Variants in NPAS3 observed in about 807,000 individuals in gnomAD.
NPAS3 encodes the protein neuronal PAS domain-containing protein 3.
A neutral mutation model predicts 73.1 loss-of-function variants in NPAS3; 14 were observed. The observed-to-expected ratio is 0.19, with a 90% CI of 0.13 to 0.30. The LOEUF is 0.30. NPAS3 is among the 10% of genes least tolerant of loss of function. NPAS3 has a pLI of 1.00. For missense variants in NPAS3, 1,096 were observed against 1,250.0 expected (o/e 0.88, Z 1.86); for synonymous variants, 620 against 541.5 (o/e 1.14, Z -2.01).
chr14:33,243,152 A>G (rs1373168446), intron 3 of NPAS3, among the ~76,000 whole-genome samples: 1 of 152,192 alleles, frequency 6.6e-6, no homozygotes, highest in Non-Finnish European at 1.5e-5. Context: ...TATATCTAGC[A>G]AAAATTATTA....
chr14:33,523,853 G>A (rs1179468003), intron 4 of NPAS3, among the ~76,000 whole-genome samples: 5 of 152,100 alleles, frequency 3.3e-5, no homozygotes, highest in Non-Finnish European at 5.9e-5. Flanking sequence ...ATCAGTGCCT[G>A]CCATCGATCC....
intron 6 of NPAS3, among the ~76,000 whole-genome samples, chr14:33,733,677 AGAAAT>A (rs1339517748): frequency 3.3e-5 from 5 of 152,186 alleles, no homozygotes; most frequent in African/African-American, 1.2e-4. Flanking sequence ...TTTAATCAGA[AGAAAT>A]GAAAGTACTA....
intron 3 of NPAS3, among the ~76,000 whole-genome samples, chr14:33,240,882 T>G (rs1368580255): frequency 6.6e-6 from 1 of 151,876 alleles, no homozygotes; most frequent in South Asian, 2.1e-4. Flanking sequence ...TTTGTGTTCT[T>G]TTTCATTTTT....
intron 6 of NPAS3, among the ~76,000 whole-genome samples, chr14:33,676,682 T>G (rs1280104841): frequency 6.6e-6 from 1 of 152,248 alleles, no homozygotes; most frequent in Non-Finnish European, 1.5e-5. Flanking sequence ...AATACCCTCT[T>G]CATTTTATTG....
At chr14:33,358,331 A>G (rs2045434703) in intron 3 of NPAS3, among the ~76,000 whole-genome samples, 1 of 152,178 alleles carries the variant, frequency 6.6e-6, no homozygotes, top group African/African-American at 2.4e-5. Context: ...ACTGTTATGC[A>G]GTATTGAGCC....
intron 5 of NPAS3, among the ~76,000 whole-genome samples, chr14:33,659,396 G>GA (rs775631730): frequency 1.6e-4 from 25 of 152,178 alleles, no homozygotes; most frequent in Non-Finnish European, 2.9e-4. Context: ...AAGAGCGTTA[G>GA]AAAATCTCCC....
intron 2 of NPAS3, among the ~76,000 whole-genome samples, chr14:33,211,833 T>C (rs1274852364): frequency 6.6e-6 from 1 of 152,172 alleles, no homozygotes; most frequent in Non-Finnish European, 1.5e-5. Flanking sequence ...TGGGGATTCA[T>C]GAAGAATCTC....
chr14:33,364,772 C>T (rs1055804977), intron 3 of NPAS3, among the ~76,000 whole-genome samples: 1 of 151,838 alleles, frequency 6.6e-6, no homozygotes, highest in Non-Finnish European at 1.5e-5. Flanking sequence ...GAATAACCGC[C>T]CCACCCCCCA....
At chr14:33,422,289 A>G (rs1330056924) in intron 4 of NPAS3, among the ~76,000 whole-genome samples, 1 of 151,932 alleles carries the variant, frequency 6.6e-6, no homozygotes, top group Non-Finnish European at 1.5e-5. Context: ...AGCCCAGTTC[A>G]AAAGTATGTT....
At chr14:32,973,533 A>ATTTTT (rs71432099) in intron 1 of NPAS3, among the ~76,000 whole-genome samples, 6 of 128,924 alleles carry the variant, frequency 4.7e-5, no homozygotes, top group Non-Finnish European at 3.3e-5. Flanking sequence ...GTATATTTTG[A>ATTTTT]TTTTTTTTTT....
chr14:33,650,443 C>G (rs1414046493), intron 5 of NPAS3, among the ~76,000 whole-genome samples: 1 of 152,168 alleles, frequency 6.6e-6, no homozygotes, highest in Non-Finnish European at 1.5e-5. Context: ...AAAAAACCCT[C>G]AAAGAAACCT....
chr14:33,459,499 A>G lies in NPAS3; in HGVS notation c.468+92231A>G, dbSNP rs945000102. ...ATCTGCAGTAGAAATCATGGACAGT[A>G]TTACTACATGAGCACTTAAAATCAG... On this transcript the variant is annotated intron_variant, in intron 4 of 11. Coordinates refer to ENST00000356141, the Ensembl canonical transcript of NPAS3. Among the ~76,000 whole-genome samples, 19 of 152,238 alleles carry G rather than the reference A, an allele frequency of 1.2e-4. 1 individual carries two copies. The highest frequency in any genetic ancestry group is 8.8e-5 in the Non-Finnish European group (6 of 68,044).
At chr14:33,613,037 C>T (rs1442672019) in intron 5 of NPAS3, among the ~76,000 whole-genome samples, 2 of 152,134 alleles carry the variant, frequency 1.3e-5, no homozygotes, top group East Asian at 1.9e-4. Context: ...TGATAGAGAT[C>T]AGGTAGTAAT....
At chr14:33,132,856 A>G (rs941220234) in intron 2 of NPAS3, among the ~76,000 whole-genome samples, 11 of 152,124 alleles carry the variant, frequency 7.2e-5, no homozygotes, top group Admixed American at 1.3e-4. Flanking sequence ...TGCTGCATAC[A>G]TTTTATTAGA....
At chr14:33,675,532 T>A (rs1308120660) in intron 5 of NPAS3, among the ~76,000 whole-genome samples, 1 of 152,112 alleles carries the variant, frequency 6.6e-6, no homozygotes, top group Non-Finnish European at 1.5e-5. Flanking sequence ...ATGTATCCTA[T>A]TAGATTGAAG....
rs114724214 is a variant in NPAS3 at position 33,494,487 on chromosome 14, G to A, written c.469-65634G>A. Among the ~76,000 whole-genome samples, 195 of 152,206 alleles carry A rather than the reference G, an allele frequency of 1.3e-3. 1 individual carries two copies. Among genetic ancestry groups the A allele is most frequent in the African/African-American group, 3.9e-3 (162 of 41,562 alleles). ...CTTAGATCTTGTGTTTGGAACCTCA[G>A]TGTCTCAAAACAAGTTGCTTCCCAA... On this transcript the variant is annotated intron_variant, in intron 4 of 11. Transcript: ENST00000356141.
chr14:33,488,565 A>T (rs1473309924), intron 4 of NPAS3, among the ~76,000 whole-genome samples: 1 of 152,214 alleles, frequency 6.6e-6, no homozygotes, highest in Admixed American at 6.5e-5. Context: ...CTGTTAGAAT[A>T]CATTAAACAA....
chr14:33,183,726 A>T (rs1175817117), intron 2 of NPAS3, among the ~76,000 whole-genome samples: 1 of 151,972 alleles, frequency 6.6e-6, no homozygotes, highest in African/African-American at 2.4e-5. Flanking sequence ...ATTGCTTATG[A>T]TCCTTTCAAG....
In NPAS3 at chr14:33,135,634, C is replaced by A. The variant is rs544802613; in HGVS notation, c.141-79548C>A. On this transcript the variant is annotated intron_variant, in intron 2 of 11. Transcript: ENST00000356141. ...AATTGTGATTATTTTGGATTTGGGTCATTGATTACAAATATAGCAGTCTGA... is the reference window on the plus strand; with the variant it reads ...AATTGTGATTATTTTGGATTTGGGTAATTGATTACAAATATAGCAGTCTGA... Among the ~76,000 whole-genome samples the A allele has an allele frequency of 1.4e-4, 22 of 151,978 alleles. No homozygotes were observed. In the South Asian group the frequency reaches 4.2e-3, roughly 29 times the overall value.
Sources: allele counts gnomAD v4.1 joint callset (sites outside exome capture counted in the v4.1 genomes callset), GRCh38; gene constraint gnomAD v4.1.1; transcripts MANE v1.5; gene names NCBI Gene and HGNC (gene_info 2026-07-23, HGNC 2026-07-21).